The following FMN1 variants were observed in gnomAD, a reference collection of about 807,000 sequenced individuals.
FMN1 encodes formin 1.
FMN1 carries 110 observed loss-of-function variants against 132.4 expected under a neutral mutation model. The ratio of observed to expected loss-of-function variants is 0.83; its 90% CI spans 0.71 to 0.97. FMN1 has a LOEUF of 0.97. FMN1 is among the 50% of genes least tolerant of loss of function. The pLI is 0.00. For synonymous variants in FMN1, 722 were observed against 651.7 expected (o/e 1.11, Z -1.64); for missense variants, 1,792 against 1,705.3 (o/e 1.05, Z -0.90).
At chr15:33,191,687 TTCTTTACATCTCC>T (rs934021450) in intron 2 of FMN1, among the ~76,000 whole-genome samples, 1 of 152,256 alleles carries the variant, frequency 6.6e-6, no homozygotes, top group Admixed American at 6.5e-5. Flanking sequence ...GTTTGTTTCC[TTCTTTACATCTCC>T]CCGCTTTAGT....
Position 33,163,455 on chromosome 15 carries a change from C to T in FMN1, c.-131-8410G>A, listed in dbSNP as rs188124753. On this transcript the variant is annotated intron_variant, in intron 3 of 20. Coordinates refer to ENST00000616417, the MANE Select transcript of FMN1 (RefSeq NM_001277313.2). Reference sequence around the variant, plus strand: ...GATTACAGGCACGCACCACCATGCCCGGCTAATTTTGTATTTTTAGTAGAG... The same window carrying T: ...GATTACAGGCACGCACCACCATGCCTGGCTAATTTTGTATTTTTAGTAGAG... 6.2e-3 allele frequency among the ~76,000 whole-genome samples: 933 copies of T among 151,240 alleles called. 12 individuals are homozygous for T. Among genetic ancestry groups the T allele is most frequent in the African/African-American group, 0.022 (888 of 41,210 alleles).
chr15:33,184,546 C>T (rs1286106872), intron 2 of FMN1, among the ~76,000 whole-genome samples: 1 of 151,050 alleles, frequency 6.6e-6, no homozygotes, highest in Non-Finnish European at 1.5e-5. Context: ...CTTCTTCACC[C>T]AGGCTGAAAT....
intron 17 of FMN1, among the ~76,000 whole-genome samples, chr15:32,810,628 C>T (rs936602382): frequency 6.6e-6 from 1 of 152,126 alleles, no homozygotes; most frequent in African/African-American, 2.4e-5. Flanking sequence ...ACCCAAATAA[C>T]CGAAGTTTTT....
At chr15:32,801,247 C>T (rs2057467409) in intron 18 of FMN1, among the ~76,000 whole-genome samples, 1 of 152,184 alleles carries the variant, frequency 6.6e-6, no homozygotes, top group Non-Finnish European at 1.5e-5. Flanking sequence ...CCATTGCCCT[C>T]CTTGCCTCTC....
At chr15:32,913,960 A>G (rs924314860) in intron 10 of FMN1, among the ~76,000 whole-genome samples, 12 of 152,328 alleles carry the variant, frequency 7.9e-5, no homozygotes, top group African/African-American at 2.9e-4. Context: ...GCACAGCCTT[A>G]TAAGGCATGT....
At chr15:33,128,220 C>G (rs996917040) in intron 4 of FMN1, among the ~76,000 whole-genome samples, 2 of 152,022 alleles carry the variant, frequency 1.3e-5, no homozygotes, top group Non-Finnish European at 2.9e-5. Context: ...AGCAGACTTA[C>G]GAGCAACCAA....
intron 5 of FMN1, among the ~76,000 whole-genome samples, chr15:33,088,057 G>C (rs987279985): frequency 6.6e-6 from 1 of 152,090 alleles, no homozygotes; most frequent in African/African-American, 2.4e-5. Flanking sequence ...GGGGACTTGA[G>C]GGAAAGGGTT....
At chr15:32,826,577 G>C (rs1468094307) in intron 17 of FMN1, among the ~76,000 whole-genome samples, 2 of 152,270 alleles carry the variant, frequency 1.3e-5, no homozygotes, top group East Asian at 3.9e-4. Flanking sequence ...TGAGAAACCA[G>C]GAAAGTAGTG....
At chr15:32,890,395 T>C (rs1260079959) in intron 15 of FMN1, among the ~76,000 whole-genome samples, 1 of 152,234 alleles carries the variant, frequency 6.6e-6, no homozygotes, top group Non-Finnish European at 1.5e-5. Flanking sequence ...ACCTGCAGTG[T>C]AGAACTGTTC....
rs1169310233 is a variant in FMN1, at chr15:32,968,970, G to A, written c.2731C>T (p.Pro911Ser). ...PPLPPPPPPP[P>S]PLPPPSSAGP... is the part of the protein sequence containing the mutation. ...GCACTTGAAGGTGGAGGTAGAGGTGGCGGTGGAGGAGGCGGAGGTGGTAGC... is the reference window on the plus strand; with the variant it reads ...GCACTTGAAGGTGGAGGTAGAGGTGACGGTGGAGGAGGCGGAGGTGGTAGC... Residue 911 changes from proline to serine, a missense_variant, in exon 8 of 21, where the codon CCA becomes TCA. Coordinates refer to ENST00000616417, the MANE Select transcript of FMN1 (RefSeq NM_001277313.2). 2 of 952,656 alleles carry A rather than the reference G, an allele frequency of 2.1e-6. No homozygotes were observed. The highest frequency in any genetic ancestry group is 3.2e-6 in the Non-Finnish European group (2 of 629,772). The allele number at this position is 952,656 out of a possible 1,614,324, so 59.0% of individuals were successfully genotyped here. A position where few individuals can be genotyped will look rare whatever the true frequency, so the allele number is the denominator to read the frequency against.
chr15:33,119,332 T>C lies in FMN1; in HGVS notation c.1868-30358A>G, dbSNP rs974931295. ...GGACTGTCCATATCTTGGGCTACAG[T>C]GGTAGCAGGCACCCATGGTGCCAAA... On this transcript the variant is annotated intron_variant, in intron 4 of 20. Transcript: ENST00000616417. Among the ~76,000 whole-genome samples, 6 of 152,172 alleles carry C rather than the reference T, an allele frequency of 3.9e-5. No homozygotes were observed. In the East Asian group the frequency reaches 1.2e-3, roughly 29 times the overall value.
At chr15:33,015,254 A>G (rs1319478800) in intron 6 of FMN1, among the ~76,000 whole-genome samples, 9 of 152,152 alleles carry the variant, frequency 5.9e-5, no homozygotes, top group Admixed American at 4.6e-4. Context: ...TTATCCTATT[A>G]CCAGAATCAC....
At chr15:32,896,176 ATTTCCT>A (rs1307908638) in intron 15 of FMN1, among the ~76,000 whole-genome samples, 1 of 151,756 alleles carries the variant, frequency 6.6e-6, no homozygotes, top group Admixed American at 6.6e-5. Flanking sequence ...CATTTCTGAG[ATTTCCT>A]TTTCATGTTC....
At chr15:32,815,821 G>C (rs1032666299) in intron 17 of FMN1, among the ~76,000 whole-genome samples, 1 of 152,148 alleles carries the variant, frequency 6.6e-6, no homozygotes, top group South Asian at 2.1e-4. Flanking sequence ...CAGTATGCCA[G>C]GTGCTATGAT....
At chr15:33,024,649 A>G (rs1280257923) in intron 6 of FMN1, among the ~76,000 whole-genome samples, 1 of 152,218 alleles carries the variant, frequency 6.6e-6, no homozygotes, top group African/African-American at 2.4e-5. Flanking sequence ...CAATCACTTT[A>G]GAGAACATTT....
chr15:33,061,447 A>G (rs1457702122), intron 6 of FMN1, among the ~76,000 whole-genome samples: 5 of 152,038 alleles, frequency 3.3e-5, no homozygotes, highest in Non-Finnish European at 5.9e-5. Flanking sequence ...ATATATATTT[A>G]TATGTAAATA....
chr15:33,098,658 CGGA>C (rs1566913270), intron 4 of FMN1, among the ~76,000 whole-genome samples: 1 of 152,110 alleles, frequency 6.6e-6, no homozygotes, highest in African/African-American at 2.4e-5. Context: ...TATGAGACAG[CGGA>C]GGAGAATTTC....
intron 16 of FMN1, among the ~76,000 whole-genome samples, chr15:32,863,381 C>T (rs569702801): frequency 3.9e-5 from 6 of 152,234 alleles, no homozygotes; most frequent in Non-Finnish European, 8.8e-5. Flanking sequence ...TTGCAGTGAG[C>T]CGAGATTGTG....
Position 32,805,477 on chromosome 15 carries a change from T to G in FMN1, c.3929-1145A>C, listed in dbSNP as rs60638359. ...GCCTGTTCACTCTGATGACAGTTTC[T>G]TCTGCTGTGCAGAAGCTCTTTAGTT... On this transcript the variant is annotated intron_variant, in intron 17 of 20. Coordinates refer to ENST00000616417, the MANE Select transcript of FMN1 (RefSeq NM_001277313.2). 6.1e-3 allele frequency among the ~76,000 whole-genome samples: 936 copies of G among 152,340 alleles called. 17 individuals carry two copies. The highest frequency in any genetic ancestry group is 0.021 in the African/African-American group (888 of 41,570).
Sources: allele counts gnomAD v4.1 joint callset (sites outside exome capture counted in the v4.1 genomes callset), GRCh38; gene constraint gnomAD v4.1.1; transcripts MANE v1.5; gene names NCBI Gene and HGNC (gene_info 2026-07-23, HGNC 2026-07-21).